The following SRC variants were observed in gnomAD, a reference collection of about 807,000 sequenced individuals.
SRC encodes proto-oncogene tyrosine-protein kinase Src.
A neutral mutation model predicts 62.9 loss-of-function variants in SRC; 13 were observed. The ratio of observed to expected loss-of-function variants is 0.21; its 90% CI spans 0.13 to 0.33. The LOEUF (loss-of-function observed/expected upper bound fraction) is 0.33, where lower values mean the gene tolerates loss of function less well. SRC is among the 10% of genes least tolerant of loss of function. The probability of loss-of-function intolerance (pLI) is 1.00; values close to 1 mark genes in which losing one functional copy is unlikely to be tolerated. For missense variants in SRC, 457 were observed against 737.3 expected, an observed-to-expected ratio of 0.62 and a Z score of 4.40; for synonymous variants, 302 against 317.5, an observed-to-expected ratio of 0.95 and a Z score of 0.52.
rs1352336447 is a variant in SRC at position 37,402,476 on chromosome 20, C to T, written c.1158C>T (p.Val386=). 1 of 1,613,872 alleles carries T rather than the reference C, an allele frequency of 6.2e-7. No individual in the cohort carries two copies. The highest frequency in any genetic ancestry group is 1.7e-5 in the Admixed American group (1 of 59,946). The change falls in exon 12 of 14, where the codon GTC becomes GTT. Residue 386 remains valine (V), a synonymous_variant. Coordinates refer to ENST00000373578, the MANE Select transcript of SRC (RefSeq NM_198291.3). The surrounding 1 kb of genome is among the most constrained non-coding windows in gnomAD (Gnocchi z 6.2). The part of the protein sequence containing the change: ...GMAYVERMNY[V]HRDLRAANIL... ...CGTACGTGGAGCGGATGAACTACGT[C>T]CACCGGGACCTTCGTGCAGCCAACA...
chr20:37,396,017 C>A lies in SRC; in HGVS notation c.554-145C>A. 2 of 1,159,134 alleles carry A rather than the reference C, an allele frequency of 1.7e-6. No homozygotes were observed. Among genetic ancestry groups the A allele is most frequent in the Non-Finnish European group, 2.4e-6 (2 of 834,796 alleles). The allele number at this position is 1,159,134 out of a possible 1,614,324, so 71.8% of individuals were successfully genotyped here. Reference sequence around the variant, plus strand: ...CCCTGCCTCTGTGGCTGCCCCGGGGCTGGCTGTTGAGAGACAGGGTGGGCC... The same window carrying A: ...CCCTGCCTCTGTGGCTGCCCCGGGGATGGCTGTTGAGAGACAGGGTGGGCC... On this transcript the variant is annotated intron_variant, in intron 7 of 13. Transcript: ENST00000373578. The surrounding 1 kb of genome is among the most constrained non-coding windows in gnomAD (Gnocchi z 6.1).
At chr20:37,367,618 G>C (rs752099141) in intron 2 of SRC, among the ~76,000 whole-genome samples, 5 of 151,366 alleles carry the variant, frequency 3.3e-5, no homozygotes, top group Non-Finnish European at 4.4e-5. Flanking sequence ...AGGACTATAA[G>C]TGCATGCCAC....
chr20:37,383,467 C>T (rs1298970220), intron 3 of SRC, among the ~76,000 whole-genome samples: 1 of 152,188 alleles, frequency 6.6e-6, no homozygotes, highest in Non-Finnish European at 1.5e-5. Context: ...CAATGAGCCC[C>T]CTCCATGTGC....
In SRC at chr20:37,397,597, T is replaced by G; in HGVS notation, c.704-102T>G. 2.1e-6 allele frequency: 3 copies of G among 1,417,948 alleles called. No individual in the cohort carries two copies. Among genetic ancestry groups the G allele is most frequent in the African/African-American group, 1.5e-5 (1 of 68,726 alleles). The allele number at this position is 1,417,948 out of a possible 1,614,324, so 87.8% of individuals were successfully genotyped here. A position where few individuals can be genotyped will look rare whatever the true frequency, so the allele number is the denominator to read the frequency against. ...CTTTGAGGGCACCCTGCGTGTCCCCTGAAATCTGTGTGCATCTGGCATGTA... is the reference window on the plus strand; with the variant it reads ...CTTTGAGGGCACCCTGCGTGTCCCCGGAAATCTGTGTGCATCTGGCATGTA... On this transcript the variant is annotated intron_variant, in intron 8 of 13. Coordinates refer to ENST00000373578, the MANE Select transcript of SRC (RefSeq NM_198291.3). This position sits in a 1 kb window ranked among gnomAD's most constrained non-coding sequence, Gnocchi z 4.1.
Position 37,384,614 on chromosome 20 carries a change from A to G in SRC, c.250+211A>G, listed in dbSNP as rs4809610. ...CCGCCGCTGGCTTTGGGGTGGAGCA[A>G]GCGCAAAAGACACGGGGTGTGGTTA... is the stretch of plus-strand genomic sequence containing the variant. On this transcript the variant is annotated intron_variant, in intron 4 of 13. Coordinates refer to ENST00000373578, the MANE Select transcript of SRC (RefSeq NM_198291.3). The surrounding 1 kb of genome is among the most constrained non-coding windows in gnomAD (Gnocchi z 6.7). Among the ~76,000 whole-genome samples the G allele has an allele frequency of 1, 151,663 of 151,696 alleles. 75,815 individuals carry two copies. The highest frequency in any genetic ancestry group is 1 in the Middle Eastern group (288 of 288).
rs183662120 is a variant in SRC, at chr20:37,403,691, G to A, written c.*312G>A. On this transcript the variant is annotated 3_prime_UTR_variant, in exon 14 of 14. Transcript: ENST00000373578. The surrounding 1 kb of genome is among the most constrained non-coding windows in gnomAD (Gnocchi z 7.1). ...AGGAACCAGGAGAAGGGCTGGGGCC[G>A]GGGCTGAGGGTGCCCTTTTCCAGCC... 805 of 418,740 alleles carry A rather than the reference G, an allele frequency of 1.9e-3. 1 individual carries two copies. The highest frequency in any genetic ancestry group is 2.1e-3 in the Non-Finnish European group (490 of 228,252). 25.9% of individuals were successfully genotyped at this position (418,740 alleles called of 1,614,324 possible).
rs527610557 is a variant in SRC, at chr20:37,354,715, A to G, written c.-247+8460A>G. On this transcript the variant is annotated intron_variant, in intron 1 of 13. Transcript: ENST00000373578. ...AGGCTGGGCCTGGTTGGGAGACTGC[A>G]CCAATCCCCACCAGGCCTTCTGGGT... is the stretch of plus-strand genomic sequence containing the variant. Among the ~76,000 whole-genome samples, 4 of 152,214 alleles carry G rather than the reference A, an allele frequency of 2.6e-5. No individual in the cohort carries two copies. The East Asian group carries it at 7.7e-4, about 29-fold the overall frequency.
Position 37,403,431 on chromosome 20 carries a change from C to A in SRC, c.*52C>A. 1.3e-6 allele frequency: 2 copies of A among 1,515,770 alleles called. No individual in the cohort carries two copies. The highest frequency in any genetic ancestry group is 1.8e-6 in the Non-Finnish European group (2 of 1,128,430). The allele number at this position is 1,515,770 out of a possible 1,614,324, so 93.9% of individuals were successfully genotyped here. A position where few individuals can be genotyped will look rare whatever the true frequency, so the allele number is the denominator to read the frequency against. Reference sequence around the variant, plus strand: ...CGGCTTGGATCCTGGGCTGGGTGGCCCCTGTCTCGGGGCTTGCCCCACTCT... The same window carrying A: ...CGGCTTGGATCCTGGGCTGGGTGGCACCTGTCTCGGGGCTTGCCCCACTCT... On this transcript the variant is annotated 3_prime_UTR_variant, in exon 14 of 14. Transcript: ENST00000373578. This position sits in a 1 kb window ranked among gnomAD's most constrained non-coding sequence, Gnocchi z 7.1.
chr20:37,377,540 G>C (rs993996671), intron 2 of SRC, among the ~76,000 whole-genome samples: 1 of 152,202 alleles, frequency 6.6e-6, no homozygotes, highest in Non-Finnish European at 1.5e-5. Context: ...AGGTGAGAGA[G>C]AGTGTGTGGC....
At chr20:37,394,341 G>A in intron 7 of SRC, 64 bp downstream of exon 7, 1 of 1,461,264 alleles carries the variant, frequency 6.8e-7, no homozygotes, top group Non-Finnish European at 9.6e-7. Context: ...GCTGGGTGTT[G>A]TGGAATGAGC....
In SRC at chr20:37,346,161, C is replaced by G. The variant is rs1416821232; in HGVS notation, c.-341C>G. 6.6e-6 allele frequency: 1 copy of G among 152,140 alleles called. No homozygotes were observed. The highest frequency in any genetic ancestry group is 2.4e-5 in the African/African-American group (1 of 41,276). The allele number at this position is 152,140 out of a possible 1,614,324, so 9.4% of individuals were successfully genotyped here. On this transcript the variant is annotated 5_prime_UTR_variant, in exon 1 of 14. Coordinates refer to ENST00000373578, the MANE Select transcript of SRC (RefSeq NM_198291.3). The stretch of plus-strand genomic sequence containing the variant: ...ATCCATTCCGGCCTGGGAGCCGGAG[C>G]GGCCAGGCCGCCGTCTGCCCGTCCC...
intron 5 of SRC, among the ~76,000 whole-genome samples, chr20:37,392,082 T>C (rs2147084006): frequency 6.6e-6 from 1 of 152,126 alleles, no homozygotes; most frequent in South Asian, 2.1e-4. Flanking sequence ...CAAAGGCTTC[T>C]TTTCTTGAGG....
At chr20:37,369,183 T>C (rs945953523) in intron 2 of SRC, among the ~76,000 whole-genome samples, 1 of 152,230 alleles carries the variant, frequency 6.6e-6, no homozygotes, top group Non-Finnish European at 1.5e-5. Context: ...TGACTTTCCA[T>C]ATGAATTTTA....
intron 1 of SRC, among the ~76,000 whole-genome samples, chr20:37,360,775 G>A (rs1415558057): frequency 6.6e-6 from 1 of 152,198 alleles, no homozygotes; most frequent in East Asian, 1.9e-4. Flanking sequence ...GGGCACACTT[G>A]CTAGGGTCTG....
At position 37,396,067 on chromosome 20, in the gene SRC, C is replaced by T; in HGVS notation, c.554-95C>T. On this transcript the variant is annotated intron_variant, in intron 7 of 13. Transcript: ENST00000373578. The surrounding 1 kb of genome is among the most constrained non-coding windows in gnomAD (Gnocchi z 6.1). ...CTGGGGCCCCGCCTGGGCCTCCCTTCCCTCCAATGTCAGGCAGGCACAGAA... is the reference window on the plus strand; with the variant it reads ...CTGGGGCCCCGCCTGGGCCTCCCTTTCCTCCAATGTCAGGCAGGCACAGAA... 6.6e-7 allele frequency: 1 copy of T among 1,519,238 alleles called. No individual in the cohort carries two copies. The allele number at this position is 1,519,238 out of a possible 1,614,324, so 94.1% of individuals were successfully genotyped here. A position where few individuals can be genotyped will look rare whatever the true frequency, so the allele number is the denominator to read the frequency against.
intron 2 of SRC, among the ~76,000 whole-genome samples, chr20:37,367,321 C>T (rs1015970967): frequency 6.6e-6 from 1 of 151,604 alleles, no homozygotes; most frequent in African/African-American, 2.4e-5. Context: ...CTCAAGTGAT[C>T]CTCGCACCTC....
intron 2 of SRC, among the ~76,000 whole-genome samples, chr20:37,365,804 G>C (rs1360206321): frequency 6.6e-6 from 1 of 151,966 alleles, no homozygotes; most frequent in Non-Finnish European, 1.5e-5. Context: ...GGCTAGTCTC[G>C]AATGCCTGTG....
chr20:37,403,525 G>T lies in SRC; in HGVS notation c.*146G>T. The T allele has an allele frequency of 1.1e-6, 1 of 942,346 alleles. No homozygotes were observed. The highest frequency in any genetic ancestry group is 1.5e-6 in the Non-Finnish European group (1 of 646,800). The allele number at this position is 942,346 out of a possible 1,614,324, so 58.4% of individuals were successfully genotyped here. A position where few individuals can be genotyped will look rare whatever the true frequency, so the allele number is the denominator to read the frequency against. The stretch of plus-strand genomic sequence containing the variant: ...GGGGCGAGGCCCTTCCTCTTTGGTG[G>T]CATGGAAGGGGCTTCTGGACCTAGG... On this transcript the variant is annotated 3_prime_UTR_variant, in exon 14 of 14. Transcript: ENST00000373578. This position sits in a 1 kb window ranked among gnomAD's most constrained non-coding sequence, Gnocchi z 7.1.
Position 37,404,911 on chromosome 20 carries a change from C to T in SRC, c.*1532C>T, listed in dbSNP as rs112298139. The T allele has an allele frequency of 1.8e-3, 424 of 233,678 alleles. 2 individuals carry two copies. Among genetic ancestry groups the T allele is most frequent in the African/African-American group, 9.0e-3 (408 of 45,396 alleles). 14.5% of individuals were successfully genotyped at this position (233,678 alleles called of 1,614,324 possible). On this transcript the variant is annotated 3_prime_UTR_variant, in exon 14 of 14. Transcript: ENST00000373578. ...ATGTGTGTGCATGTGTGCGTGTCTC[C>T]ATGTGCGTCCATATTTAACATGTAA...
Sources: allele counts gnomAD v4.1 joint callset (sites outside exome capture counted in the v4.1 genomes callset), GRCh38; gene constraint gnomAD v4.1.1; non-coding constraint Gnocchi (gnomAD v3.1); transcripts MANE v1.5; gene names NCBI Gene and HGNC (gene_info 2026-07-23, HGNC 2026-07-21).